STOX2: variants seen among roughly 807,000 people sequenced by gnomAD.
The protein encoded by STOX2 is storkhead box 2.
Under a neutral mutation model 60.9 loss-of-function variants are expected in STOX2, and 28 were observed. The ratio of observed to expected loss-of-function variants is 0.46; its 90% CI spans 0.34 to 0.63. The LOEUF (loss-of-function observed/expected upper bound fraction) is 0.63. STOX2 is among the 30% of genes least tolerant of loss of function. STOX2 has a pLI of 0.01. For missense variants in STOX2, 1,024 were observed against 1,187.7 expected, an observed-to-expected ratio of 0.86 and a Z score of 2.03; for synonymous variants, 472 against 463.9, an observed-to-expected ratio of 1.02 and a Z score of -0.22.
chr4:183,977,201 C>T (rs1732481401), intron 1 of STOX2, among the ~76,000 whole-genome samples: 1 of 152,102 alleles, frequency 6.6e-6, no homozygotes, highest in East Asian at 1.9e-4. Context: ...TTTGATCCCT[C>T]ACTTCCCTTC....
chr4:183,798,460 CCGGGGCTCGGGTCGCG>C (rs1037765085), intron 1 of STOX2, among the ~76,000 whole-genome samples: 1 of 151,844 alleles, frequency 6.6e-6, no homozygotes, highest in Non-Finnish European at 1.5e-5. Context: ...GGGGAGGATT[CCGGGGCTCGGGTCGCG>C]CGGGGCTCCC....
intron 1 of STOX2, among the ~76,000 whole-genome samples, chr4:183,927,896 A>G (rs10008929): frequency 6.6e-6 from 1 of 152,170 alleles, no homozygotes; most frequent in African/African-American, 2.4e-5. Context: ...ACCCCTCAGC[A>G]GGGCACCCAG....
intron 1 of STOX2, among the ~76,000 whole-genome samples, chr4:183,966,970 C>A (rs1057130387): frequency 5.3e-5 from 8 of 152,252 alleles, no homozygotes; most frequent in Admixed American, 2.0e-4. Flanking sequence ...TCATAAGGTT[C>A]TTATGAGAAC....
chr4:183,985,622 A>C (rs1732809310), intron 1 of STOX2, among the ~76,000 whole-genome samples: 1 of 152,106 alleles, frequency 6.6e-6, no homozygotes, highest in South Asian at 2.1e-4. Context: ...TTATGACTAC[A>C]TTTTTATTTG....
At chr4:183,966,211 G>A (rs1743562093) in intron 1 of STOX2, among the ~76,000 whole-genome samples, 1 of 152,166 alleles carries the variant, frequency 6.6e-6, no homozygotes, top group Admixed American at 6.5e-5. Flanking sequence ...GCCTGCCCCT[G>A]TGGGGCACAT....
intron 1 of STOX2, among the ~76,000 whole-genome samples, chr4:183,974,180 A>G (rs1470905720): frequency 6.6e-6 from 1 of 152,188 alleles, no homozygotes; most frequent in Non-Finnish European, 1.5e-5. Context: ...AAAGTTAAGT[A>G]TATATATTTG....
rs1439109629 is a variant in STOX2, at chr4:184,020,701, A to C, written c.*3417A>C. The C allele has an allele frequency of 6.6e-6, 1 of 152,140 alleles. No individual in the cohort carries two copies. Among genetic ancestry groups the C allele is most frequent in the African/African-American group, 2.4e-5 (1 of 41,382 alleles). 9.4% of individuals were successfully genotyped at this position (152,140 alleles called of 1,614,324 possible). On this transcript the variant is annotated 3_prime_UTR_variant, in exon 4 of 4. Coordinates refer to ENST00000308497, the MANE Select transcript of STOX2 (RefSeq NM_020225.3). The stretch of plus-strand genomic sequence containing the variant: ...TATGAAAGGGGGGGGGGTGCCATCA[A>C]ATAGAGAAAACAAATAGAAGAGGTG...
upstream of STOX2, among the ~76,000 whole-genome samples, chr4:183,903,494 C>T (rs1741508476): frequency 6.6e-6 from 1 of 152,190 alleles, no homozygotes; most frequent in South Asian, 2.1e-4. Context: ...TGTTTCTCTT[C>T]CATACTAGAC....
At chr4:183,891,702 A>G (rs1741218868) in intron 1 of STOX2, among the ~76,000 whole-genome samples, 1 of 152,038 alleles carries the variant, frequency 6.6e-6, no homozygotes. Context: ...ACAAATCACC[A>G]CTAAAAAACT....
chr4:183,837,926 G>A (rs1739755570), intron 1 of STOX2, among the ~76,000 whole-genome samples: 2 of 152,156 alleles, frequency 1.3e-5, no homozygotes, highest in South Asian at 4.1e-4. Flanking sequence ...TGGGTGTGCA[G>A]ATGTGGGTGT....
At chr4:183,902,773 G>C (rs763362827), upstream of STOX2, among the ~76,000 whole-genome samples, 2 of 152,206 alleles carry the variant, frequency 1.3e-5, no homozygotes, top group African/African-American at 2.4e-5. Flanking sequence ...ATTGTCCCCA[G>C]TTTGGATGGA....
chr4:184,017,337 C>T lies in STOX2; in HGVS notation c.*53C>T. ...TCATTCGATACAGCAAAGTTTACGA[C>T]ACTGGGACTGATGTTTACATCTTTG... On this transcript the variant is annotated 3_prime_UTR_variant, in exon 4 of 4. Transcript: ENST00000308497. 2.8e-6 allele frequency: 4 copies of T among 1,436,694 alleles called. No homozygotes were observed. The highest frequency in any genetic ancestry group is 3.7e-6 in the Non-Finnish European group (4 of 1,067,988). 89.0% of individuals were successfully genotyped at this position (1,436,694 alleles called of 1,614,324 possible). A position where few individuals can be genotyped will look rare whatever the true frequency, so the allele number is the denominator to read the frequency against.
At chr4:183,853,046 T>C (rs1359404384) in intron 1 of STOX2, among the ~76,000 whole-genome samples, 2 of 152,200 alleles carry the variant, frequency 1.3e-5, no homozygotes, top group African/African-American at 4.8e-5. Context: ...GGAACTTTTC[T>C]GGGCAGAGTG....
chr4:183,928,285 G>A (rs1052799752), intron 1 of STOX2, among the ~76,000 whole-genome samples: 6 of 152,208 alleles, frequency 3.9e-5, no homozygotes, highest in South Asian at 2.1e-4. Context: ...AGCTGCCCAC[G>A]AAATGCTTAT....
intron 1 of STOX2, among the ~76,000 whole-genome samples, chr4:183,975,511 C>T (rs979641965): frequency 7.9e-5 from 12 of 152,000 alleles, no homozygotes; most frequent in African/African-American, 2.9e-4. Context: ...ATAGTCCCCA[C>T]AAAAATATAA....
At chr4:183,990,546 T>C (rs573900413) in intron 1 of STOX2, among the ~76,000 whole-genome samples, 95 of 147,860 alleles carry the variant, frequency 6.4e-4, no homozygotes, top group African/African-American at 2.3e-3. Flanking sequence ...AATAAATAGT[T>C]GAATAGGAAG....
intron 1 of STOX2, among the ~76,000 whole-genome samples, chr4:183,969,636 T>G (rs984185408): frequency 6.6e-6 from 1 of 151,850 alleles, no homozygotes; most frequent in Non-Finnish European, 1.5e-5. Flanking sequence ...GTTTTTTTTT[T>G]GAGACGGGAT....
At chr4:183,916,170 T>C (rs28390169) in intron 1 of STOX2, among the ~76,000 whole-genome samples, 41,538 of 152,142 alleles carry the variant, frequency 0.27, 6,023 homozygotes, top group East Asian at 0.54. Context: ...ATGATGGCGT[T>C]CCCGGGCCAG....
intron 2 of STOX2, among the ~76,000 whole-genome samples, chr4:184,003,606 C>T (rs1323217039): frequency 9.2e-5 from 14 of 152,304 alleles, no homozygotes; most frequent in South Asian, 8.3e-4. Context: ...AGGCCTAGTG[C>T]GGCCCACCAC....
Sources: allele counts gnomAD v4.1 joint callset (sites outside exome capture counted in the v4.1 genomes callset), GRCh38; gene constraint gnomAD v4.1.1; transcripts MANE v1.5; gene names NCBI Gene and HGNC (gene_info 2026-07-23, HGNC 2026-07-21).